Variants in ME3 observed in about 807,000 individuals in gnomAD.
ME3 encodes malic enzyme 3.
In ME3, 48 loss-of-function variants were observed where a neutral mutation model predicts 68.9. The ratio of observed to expected loss-of-function variants is 0.70; its 90% CI spans 0.55 to 0.89. The LOEUF (loss-of-function observed/expected upper bound fraction) is 0.89, where lower values mean the gene tolerates loss of function less well. Ranked by LOEUF, ME3 falls within the 40% of genes least tolerant of loss-of-function variation. The probability of loss-of-function intolerance (pLI) is 0.00; values close to 1 mark genes in which losing one functional copy is unlikely to be tolerated. For missense variants in ME3, 675 were observed against 797.4 expected (o/e 0.85, Z 1.85); for synonymous variants, 320 against 318.8 (o/e 1.00, Z -0.04).
intron 2 of ME3, among the ~76,000 whole-genome samples, chr11:86,586,850 A>C (rs2139644019): frequency 6.6e-6 from 1 of 152,274 alleles, no homozygotes; most frequent in Middle Eastern, 3.4e-3. Context: ...GTTTGGATGA[A>C]GCAGTCACTC....
chr11:86,493,614 T>A lies in ME3; in HGVS notation c.705+4349A>T, dbSNP rs774095832. On this transcript the variant is annotated intron_variant, in intron 6 of 14. Transcript: ENST00000543262. ...AAACAAAATAAATCCAATCCACACG[T>A]AGCCATGATGGAAGGCTGAGCAGGC... 2.0e-5 allele frequency among the ~76,000 whole-genome samples: 3 copies of A among 152,238 alleles called. No individual in the cohort carries two copies. The East Asian group carries it at 5.8e-4, about 29-fold the overall frequency.
At chr11:86,462,488 A>G (rs1418640004) in intron 8 of ME3, 1 of 904,830 alleles carries the variant, frequency 1.1e-6, no homozygotes, top group Non-Finnish European at 1.3e-6. Context: ...ACCTTTGTTC[A>G]AGGGTCAGCT....
chr11:86,601,019 A>G (rs1960550918), intron 2 of ME3, among the ~76,000 whole-genome samples: 2 of 152,012 alleles, frequency 1.3e-5, no homozygotes, highest in Admixed American at 1.3e-4. Flanking sequence ...CAAAATTGAC[A>G]CCCTAACATC....
At chr11:86,525,301 C>A (rs1003931251) in intron 4 of ME3, among the ~76,000 whole-genome samples, 13 of 151,984 alleles carry the variant, frequency 8.6e-5, no homozygotes, top group Non-Finnish European at 1.3e-4. Flanking sequence ...ATACCTAATT[C>A]TTTGAAGAAA....
chr11:86,671,952 G>T, exon 2 of ME3: 1 of 1,405,808 alleles, frequency 7.1e-7, no homozygotes, highest in Non-Finnish European at 9.2e-7. Context: ...CATGGTCCTT[G>T]GCAGACCTGG....
intron 4 of ME3, among the ~76,000 whole-genome samples, chr11:86,555,141 A>G (rs1292626954): frequency 6.6e-6 from 1 of 152,270 alleles, no homozygotes; most frequent in East Asian, 1.9e-4. Flanking sequence ...GGAGAAGAAC[A>G]TCAGTGTACT....
intron 7 of ME3, among the ~76,000 whole-genome samples, chr11:86,473,755 G>C (rs1341669313): frequency 2.0e-5 from 3 of 151,538 alleles, no homozygotes; most frequent in Non-Finnish European, 4.4e-5. Flanking sequence ...GATTCACAAG[G>C]ATGACAGGGA....
intron 2 of ME3, among the ~76,000 whole-genome samples, chr11:86,562,913 A>G (rs534627922): frequency 5.3e-5 from 8 of 152,204 alleles, no homozygotes; most frequent in South Asian, 2.1e-4. Flanking sequence ...ATAAGCGATA[A>G]CATGTGGTAT....
intron 2 of ME3, among the ~76,000 whole-genome samples, chr11:86,635,036 G>A (rs1222888768): frequency 1.3e-5 from 2 of 152,188 alleles, no homozygotes; most frequent in Non-Finnish European, 1.5e-5. Context: ...TAGACACGCT[G>A]GTTCACACCT....
chr11:86,667,339 G>T (rs1026025322), intron 2 of ME3, among the ~76,000 whole-genome samples: 1 of 152,216 alleles, frequency 6.6e-6, no homozygotes, highest in African/African-American at 2.4e-5. Context: ...GGGAAGATTG[G>T]TGTGTTCTGG....
At chr11:86,488,346 C>T (rs762819342) in intron 6 of ME3, among the ~76,000 whole-genome samples, 3 of 152,044 alleles carry the variant, frequency 2.0e-5, no homozygotes, top group Admixed American at 6.6e-5. Flanking sequence ...GAAAACCAAC[C>T]CACCCTCCTT....
chr11:86,529,086 T>C (rs960206648), intron 4 of ME3, among the ~76,000 whole-genome samples: 2 of 151,244 alleles, frequency 1.3e-5, no homozygotes, highest in African/African-American at 4.9e-5. Context: ...TTGGAAAAGA[T>C]CAACAAAATT....
chr11:86,530,918 C>T (rs1565909134), intron 4 of ME3, among the ~76,000 whole-genome samples: 1 of 152,058 alleles, frequency 6.6e-6, no homozygotes, highest in Non-Finnish European at 1.5e-5. Context: ...CTAGGCATAC[C>T]ATTCAGGACA....
chr11:86,461,328 G>A (rs1166985287), intron 8 of ME3, among the ~76,000 whole-genome samples: 3 of 152,184 alleles, frequency 2.0e-5, no homozygotes, highest in East Asian at 1.9e-4. Flanking sequence ...GGGAGGGGGG[G>A]ATGTTGCCAG....
chr11:86,605,163 G>A (rs1460280184), intron 2 of ME3, among the ~76,000 whole-genome samples: 1 of 152,168 alleles, frequency 6.6e-6, no homozygotes, highest in African/African-American at 2.4e-5. Context: ...CATCCATGTT[G>A]TATCATGTAT....
intron 6 of ME3, among the ~76,000 whole-genome samples, chr11:86,496,885 A>G (rs112248332): frequency 5.8e-5 from 4 of 68,968 alleles, no homozygotes; most frequent in South Asian, 3.4e-4. Context: ...AAGTGCGTGG[A>G]AAAAAAAAAG....
chr11:86,483,125 T>G (rs954775569), intron 7 of ME3, among the ~76,000 whole-genome samples: 1 of 152,204 alleles, frequency 6.6e-6, no homozygotes, highest in African/African-American at 2.4e-5. Flanking sequence ...TTGATCCCTG[T>G]AAATCTGATC....
Position 86,556,650 on chromosome 11 carries a change from C to A in ME3, c.370G>T (p.Val124Leu), listed in dbSNP as rs760647124. Residue 124 changes from valine (V) to leucine (L), a missense_variant, in exon 4 of 15, where the codon GTG (valine) becomes TTG (leucine). Val to Leu is a conservative substitution (Grantham distance 32). Coordinates refer to ENST00000543262, the Ensembl canonical transcript of ME3. ...AACTTCTCCACGTCCGAAGTCAGCACTCGGTAGAAGAGCTTCTCGTTCCGG... is the reference window on the plus strand; with the variant it reads ...AACTTCTCCACGTCCGAAGTCAGCAATCGGTAGAAGAGCTTCTCGTTCCGG... 11 of 1,614,032 alleles carry A rather than the reference C, an allele frequency of 6.8e-6. No homozygotes were observed. Among genetic ancestry groups the A allele is most frequent in the Non-Finnish European group, 9.3e-6 (11 of 1,179,994 alleles).
chr11:86,666,181 A>G (rs1460280744), intron 2 of ME3, among the ~76,000 whole-genome samples: 1 of 152,184 alleles, frequency 6.6e-6, no homozygotes, highest in Non-Finnish European at 1.5e-5. Flanking sequence ...TTGCAGCTAA[A>G]TGTAGCATAT....
Sources: gnomAD v4.1 joint callset for allele counts (sites outside exome capture counted in the v4.1 genomes callset) on GRCh38, gnomAD v4.1.1 for gene constraint, MANE v1.5 for transcripts, NCBI Gene and HGNC (gene_info 2026-07-23, HGNC 2026-07-21) for gene names.